Variants in GPC5 observed in about 807,000 individuals in gnomAD.
GPC5 encodes the protein glypican 5.
Under a neutral mutation model 53.9 loss-of-function variants are expected in GPC5, and 47 were observed. The observed-to-expected ratio is 0.87, with a 90% CI of 0.69 to 1.11. GPC5 has a LOEUF of 1.11. Among genes scored for constraint, GPC5 ranks in the 50% most tolerant of loss-of-function variants. The probability of loss-of-function intolerance (pLI) is 0.00; values close to 1 mark genes in which losing one functional copy is unlikely to be tolerated. For synonymous variants in GPC5, 286 were observed against 263.3 expected (o/e 1.09, Z -0.84); for missense variants, 748 against 713.1 (o/e 1.05, Z -0.56).
intron 7 of GPC5, among the ~76,000 whole-genome samples, chr13:92,251,186 T>C (rs2042690385): frequency 6.6e-6 from 1 of 152,096 alleles, no homozygotes; most frequent in Admixed American, 6.6e-5. Flanking sequence ...GGATTGATGA[T>C]TGATGAATTG....
At chr13:92,479,197 T>A (rs1368204406) in intron 7 of GPC5, among the ~76,000 whole-genome samples, 3 of 152,138 alleles carry the variant, frequency 2.0e-5, no homozygotes, top group Admixed American at 2.0e-4. Flanking sequence ...ACATACTTCA[T>A]CTGTGTATAG....
intron 2 of GPC5, among the ~76,000 whole-genome samples, chr13:91,546,549 GTGT>G: frequency 6.6e-6 from 1 of 152,016 alleles, no homozygotes; most frequent in East Asian, 1.9e-4. Flanking sequence ...CTCAATGTCA[GTGT>G]CTTTTTCATG....
intron 2 of GPC5, among the ~76,000 whole-genome samples, chr13:91,503,710 T>A (rs1230790963): frequency 6.7e-6 from 1 of 149,828 alleles, no homozygotes; most frequent in Admixed American, 6.7e-5. Context: ...AACCAGGGAG[T>A]TGGAGGTTGC....
At chr13:92,434,354 T>C (rs2139377860) in intron 7 of GPC5, among the ~76,000 whole-genome samples, 1 of 152,246 alleles carries the variant, frequency 6.6e-6, no homozygotes, top group South Asian at 2.1e-4. Context: ...GCAGAGGAAG[T>C]AATAATGAAA....
At chr13:92,152,530 T>A (rs1048593326) in intron 7 of GPC5, among the ~76,000 whole-genome samples, 15 of 151,970 alleles carry the variant, frequency 9.9e-5, no homozygotes, top group Admixed American at 2.0e-4. Context: ...AATAAAGGAA[T>A]GTTTGATAAA....
At chr13:91,609,372 A>G (rs970176432) in intron 2 of GPC5, among the ~76,000 whole-genome samples, 1 of 152,122 alleles carries the variant, frequency 6.6e-6, no homozygotes, top group Non-Finnish European at 1.5e-5. Context: ...AGCCAAAAAC[A>G]ATACAAGAGG....
chr13:92,648,864 A>G (rs2139162541), intron 7 of GPC5, among the ~76,000 whole-genome samples: 1 of 152,238 alleles, frequency 6.6e-6, no homozygotes, highest in Non-Finnish European at 1.5e-5. Context: ...TGCTCATTAG[A>G]CGTAACTTTC....
At chr13:92,526,500 C>T (rs908817894) in intron 7 of GPC5, among the ~76,000 whole-genome samples, 2 of 151,876 alleles carry the variant, frequency 1.3e-5, no homozygotes, top group Non-Finnish European at 2.9e-5. Context: ...AGAGCAGGAG[C>T]CAGATCACAC....
chr13:92,240,586 C>T (rs2042604958), intron 7 of GPC5: 1 of 152,310 alleles, frequency 6.6e-6, no homozygotes, highest in Admixed American at 6.5e-5. Context: ...TCACTGCAAC[C>T]TTCACCTCCC....
chr13:92,435,980 T>G, intron 7 of GPC5, among the ~76,000 whole-genome samples: 1 of 152,228 alleles, frequency 6.6e-6, no homozygotes, highest in East Asian at 1.9e-4. Flanking sequence ...TTAAGATTTA[T>G]ATTTTTAATC....
chr13:92,339,401 A>G (rs1260255247), intron 7 of GPC5, among the ~76,000 whole-genome samples: 2 of 152,030 alleles, frequency 1.3e-5, no homozygotes, highest in Non-Finnish European at 1.5e-5. Context: ...GTAATCAAGG[A>G]TATATTTAAG....
intron 2 of GPC5, among the ~76,000 whole-genome samples, chr13:91,502,608 A>C (rs182793516): frequency 1.3e-5 from 2 of 152,298 alleles, no homozygotes; most frequent in Non-Finnish European, 2.9e-5. Flanking sequence ...CAAGATATTT[A>C]GGAAGTGGCT....
At chr13:92,379,652 T>A (rs1415217170) in intron 7 of GPC5, among the ~76,000 whole-genome samples, 2 of 151,994 alleles carry the variant, frequency 1.3e-5, no homozygotes, top group Non-Finnish European at 2.9e-5. Context: ...GCATAGTTCT[T>A]CCCTGTGCCC....
intron 6 of GPC5, among the ~76,000 whole-genome samples, chr13:92,004,060 T>G (rs2040581229): frequency 1.3e-5 from 2 of 152,286 alleles, no homozygotes; most frequent in South Asian, 4.1e-4. Flanking sequence ...GCTGAAGCTA[T>G]TTTTCCTATA....
intron 6 of GPC5, among the ~76,000 whole-genome samples, chr13:92,132,106 G>A (rs574259870): frequency 2.0e-5 from 3 of 152,242 alleles, no homozygotes; most frequent in Admixed American, 6.5e-5. Flanking sequence ...TGCTACATCT[G>A]TGATGTCACA....
Position 92,144,814 on chromosome 13 carries a change from C to G in GPC5, c.1402-16C>G. 1 of 1,603,406 alleles carries G rather than the reference C, an allele frequency of 6.2e-7. No individual in the cohort carries two copies. Among genetic ancestry groups the G allele is most frequent in the Non-Finnish European group, 8.5e-7 (1 of 1,175,438 alleles). On this transcript the variant is annotated splice_polypyrimidine_tract_variant and intron_variant, in intron 6 of 7. Coordinates refer to ENST00000377067, the MANE Select transcript of GPC5 (RefSeq NM_004466.6). The stretch of plus-strand genomic sequence containing the variant: ...AAATTTGCTATTAGTAAAGGCCTTT[C>G]TTTATGTACAATTAGTTGTTACAGG...
intron 7 of GPC5, among the ~76,000 whole-genome samples, chr13:92,566,613 T>C (rs1255253211): frequency 1.3e-5 from 2 of 152,076 alleles, no homozygotes; most frequent in Admixed American, 6.6e-5. Flanking sequence ...TTTTAGCTTT[T>C]TCTTGATTTT....
At chr13:91,438,753 C>T (rs934085048) in intron 1 of GPC5, among the ~76,000 whole-genome samples, 5 of 152,228 alleles carry the variant, frequency 3.3e-5, no homozygotes, top group Admixed American at 1.3e-4. Context: ...GCCCTGCCCC[C>T]AGAGGTGGAA....
At chr13:92,523,791 A>G (rs924796590) in intron 7 of GPC5, among the ~76,000 whole-genome samples, 3 of 152,142 alleles carry the variant, frequency 2.0e-5, no homozygotes, top group African/African-American at 7.2e-5. Context: ...TTAATATTTT[A>G]CAAGGCAGCT....
Sources: gnomAD v4.1 joint callset for allele counts (sites outside exome capture counted in the v4.1 genomes callset) on GRCh38, gnomAD v4.1.1 for gene constraint, MANE v1.5 for transcripts, NCBI Gene and HGNC (gene_info 2026-07-23, HGNC 2026-07-21) for gene names.